Variants in PRICKLE2 observed in about 807,000 individuals in gnomAD.
PRICKLE2 encodes prickle-like protein 2.
PRICKLE2 carries 21 observed loss-of-function variants against 81.4 expected under a neutral mutation model. The observed-to-expected ratio is 0.26, with a 90% CI of 0.18 to 0.37. PRICKLE2 has a LOEUF of 0.37. Among genes scored for constraint, PRICKLE2 ranks in the 10% least tolerant of loss-of-function variants. PRICKLE2 has a pLI of 1.00. For synonymous variants in PRICKLE2, 456 were observed against 421.5 expected, an observed-to-expected ratio of 1.08 and a Z score of -1.00; for missense variants, 940 against 1,109.0, an observed-to-expected ratio of 0.85 and a Z score of 2.16.
chr3:64,159,063 T>A (rs1252477797), intron 4 of PRICKLE2, among the ~76,000 whole-genome samples: 1 of 152,140 alleles, frequency 6.6e-6, no homozygotes, highest in Non-Finnish European at 1.5e-5. Context: ...TGGGGCAAGG[T>A]GTGTTCCCAC....
chr3:64,132,031 C>T (rs2077204449), intron 7 of PRICKLE2, among the ~76,000 whole-genome samples: 3 of 152,240 alleles, frequency 2.0e-5, no homozygotes, highest in African/African-American at 7.2e-5. Context: ...TAGAACTGGA[C>T]AAGTTCTCTC....
At chr3:64,258,823 C>CAAAAAAAA (rs1156901811) in intron 2 of PRICKLE2, among the ~76,000 whole-genome samples, 1 of 70,392 alleles carries the variant, frequency 1.4e-5, no homozygotes, top group African/African-American at 5.8e-5. Context: ...GACTCTGTCT[C>CAAAAAAAA]AAAAAAAAAA....
chr3:64,109,541 G>A (rs901540583), intron 7 of PRICKLE2, among the ~76,000 whole-genome samples: 11 of 152,126 alleles, frequency 7.2e-5, no homozygotes, highest in African/African-American at 2.7e-4. Flanking sequence ...TCCTCTGCCA[G>A]CTGCACTGGG....
At chr3:64,168,163 T>C (rs1336345735) in intron 2 of PRICKLE2, among the ~76,000 whole-genome samples, 1 of 152,112 alleles carries the variant, frequency 6.6e-6, no homozygotes, top group Non-Finnish European at 1.5e-5. Flanking sequence ...GTGGCAACAT[T>C]TTCCTTATCA....
chr3:64,245,151 T>G (rs2079327313), intron 2 of PRICKLE2, among the ~76,000 whole-genome samples: 1 of 152,210 alleles, frequency 6.6e-6, no homozygotes, highest in Non-Finnish European at 1.5e-5. Context: ...AGAATTTTTT[T>G]TCGATTTTTC....
upstream of PRICKLE2, among the ~76,000 whole-genome samples, chr3:64,228,703 A>G (rs1212868186): frequency 6.6e-6 from 1 of 152,204 alleles, no homozygotes; most frequent in Admixed American, 6.5e-5. Context: ...AAGGCAGGGA[A>G]GAACAGGTAA....
In PRICKLE2 at chr3:64,193,639, C is replaced by A. The variant is rs543069031; in HGVS notation, c.144+5145G>T. The stretch of plus-strand genomic sequence containing the variant: ...GAATATACAGGCTGATATGGTTTGG[C>A]TGTGTCCCCACCCAAATCTCATCCT... On this transcript the variant is annotated intron_variant, in intron 2 of 7. Coordinates refer to ENST00000638394, the MANE Select transcript of PRICKLE2 (RefSeq NM_198859.4). Among the ~76,000 whole-genome samples, 237 of 152,266 alleles carry A rather than the reference C, an allele frequency of 1.6e-3. 2 individuals carry two copies. The highest frequency in any genetic ancestry group is 5.6e-3 in the African/African-American group (231 of 41,562).
At chr3:64,168,447 C>T (rs1182192104) in intron 2 of PRICKLE2, among the ~76,000 whole-genome samples, 1 of 152,168 alleles carries the variant, frequency 6.6e-6, no homozygotes, top group Non-Finnish European at 1.5e-5. Flanking sequence ...GCATTCAAAG[C>T]CATCCTGGGC....
intron 2 of PRICKLE2, among the ~76,000 whole-genome samples, chr3:64,195,471 A>G (rs748247269): frequency 5.1e-4 from 77 of 152,230 alleles, no homozygotes; most frequent in Non-Finnish European, 7.9e-4. Context: ...GTTTCTAACA[A>G]AAATGAAAGT....
chr3:64,192,496 C>T lies in PRICKLE2; in HGVS notation c.144+6288G>A, dbSNP rs1559568090. ...GTATTAGGGGCCAGCCAAAGTAGTT[C>T]TTTGAGGAGATACATTTAATCTGAC... On this transcript the variant is annotated intron_variant, in intron 2 of 7. Coordinates refer to ENST00000638394, the MANE Select transcript of PRICKLE2 (RefSeq NM_198859.4). Among the ~76,000 whole-genome samples the T allele has an allele frequency of 2.0e-5, 3 of 152,296 alleles. No individual in the cohort carries two copies. In the South Asian group the frequency reaches 6.2e-4, roughly 32 times the overall value.
At chr3:64,131,849 T>C (rs2077201460) in intron 7 of PRICKLE2, among the ~76,000 whole-genome samples, 2 of 151,556 alleles carry the variant, frequency 1.3e-5, no homozygotes, top group Non-Finnish European at 2.9e-5. Context: ...TCATCTGACT[T>C]TTTCTACTTT....
chr3:64,163,086 T>A lies in PRICKLE2; in HGVS notation c.188A>T (p.Tyr63Phe), dbSNP rs2077761285. ...CAGTTTCTCTCCAGGACTGTTGACA[T>A]AAGGGACTTTCTCTTCTGGGAGACA... is the stretch of plus-strand genomic sequence containing the variant. ...YSCLPEEKVP[Y>F]VNSPGEKLRI... Residue 63 changes from tyrosine to phenylalanine, a missense_variant, in exon 3 of 8, where the codon TAT (tyrosine) becomes TTT (phenylalanine). Coordinates refer to ENST00000638394, the MANE Select transcript of PRICKLE2 (RefSeq NM_198859.4). 6.2e-7 allele frequency: 1 copy of A among 1,613,900 alleles called. No homozygotes were observed. The highest frequency in any genetic ancestry group is 8.5e-7 in the Non-Finnish European group (1 of 1,179,780).
At chr3:64,157,416 T>C (rs1559546381) in intron 4 of PRICKLE2, 51 bp from the exon 5 acceptor site, 1 of 1,563,558 alleles carries the variant, frequency 6.4e-7, no homozygotes, top group East Asian at 2.3e-5. Flanking sequence ...CATCTCCCAG[T>C]GCTGTGCATA....
At chr3:64,255,654 T>C (rs186615724) in intron 2 of PRICKLE2, among the ~76,000 whole-genome samples, 6 of 152,284 alleles carry the variant, frequency 3.9e-5, no homozygotes, top group Non-Finnish European at 7.3e-5. Flanking sequence ...TTGTTGAATA[T>C]AACAGAGAAC....
Position 64,225,133 on chromosome 3 carries a change from A to G in PRICKLE2, c.-264T>C, listed in dbSNP as rs1293720840. The G allele has an allele frequency of 2.0e-6, 2 of 985,314 alleles. No individual in the cohort carries two copies. Among genetic ancestry groups the G allele is most frequent in the Admixed American group, 6.2e-5 (1 of 16,256 alleles). 61.0% of individuals were successfully genotyped at this position (985,314 alleles called of 1,614,324 possible). ...GCTGCTCCACATTCCCTCAGGGAAA[A>G]CAGCACTGCTGGATCCAGACTCTGC... is the stretch of plus-strand genomic sequence containing the variant. On this transcript the variant is annotated 5_prime_UTR_variant, in exon 1 of 8. Transcript: ENST00000638394.
Position 64,147,180 on chromosome 3 carries a change from G to C in PRICKLE2, c.1310C>G (p.Ala437Gly), listed in dbSNP as rs769254046. ...SYSPGGQGAG[A>G]QPEMWGKHFS... ...GTGCTTGCCCCACATTTCGGGCTGG[G>C]CCCCAGCCCCTTGCCCTCCTGGACT... The change falls in exon 7 of 8, where the codon GCC becomes GGC. Residue 437 changes from alanine (A) to glycine (G), a missense_variant. Coordinates refer to ENST00000638394, the MANE Select transcript of PRICKLE2 (RefSeq NM_198859.4). The surrounding 1 kb of genome is among the most constrained non-coding windows in gnomAD (Gnocchi z 5.0). 6.2e-7 allele frequency: 1 copy of C among 1,613,692 alleles called. No individual in the cohort carries two copies. The highest frequency in any genetic ancestry group is 8.5e-7 in the Non-Finnish European group (1 of 1,179,862).
intron 2 of PRICKLE2, among the ~76,000 whole-genome samples, chr3:64,192,966 C>T (rs928177892): frequency 3.3e-5 from 5 of 152,192 alleles, no homozygotes; most frequent in East Asian, 1.9e-4. Context: ...GCAGCAAGGA[C>T]GAGAACTAAT....
chr3:64,175,767 T>C, intron 2 of PRICKLE2, among the ~76,000 whole-genome samples: 1 of 152,182 alleles, frequency 6.6e-6, no homozygotes, highest in East Asian at 1.9e-4. Context: ...AAAATAAACA[T>C]ATTTTAAAAT....
intron 1 of PRICKLE2, among the ~76,000 whole-genome samples, chr3:64,221,441 A>G (rs938298793): frequency 6.6e-6 from 1 of 151,742 alleles, no homozygotes; most frequent in Non-Finnish European, 1.5e-5. Context: ...ACACACACAC[A>G]CACACACACA....
Sources: gnomAD v4.1 joint callset for allele counts (sites outside exome capture counted in the v4.1 genomes callset) on GRCh38, gnomAD v4.1.1 for gene constraint, Gnocchi (gnomAD v3.1) non-coding constraint, MANE v1.5 for transcripts, NCBI Gene and HGNC (gene_info 2026-07-23, HGNC 2026-07-21) for gene names.